Variants in ZNF385D observed in about 807,000 individuals in gnomAD.
The protein encoded by ZNF385D is zinc finger protein 659.
In ZNF385D, 15 loss-of-function variants were observed where a neutral mutation model predicts 35.8. That is an observed-to-expected ratio of 0.42 (90% CI 0.28 to 0.64). The LOEUF is 0.64. Ranked by LOEUF, ZNF385D falls within the 30% of genes least tolerant of loss-of-function variation. ZNF385D has a pLI of 0.23. For missense variants in ZNF385D, 474 were observed against 494.6 expected (o/e 0.96, Z 0.39); for synonymous variants, 212 against 186.8 (o/e 1.13, Z -1.10).
intron 3 of ZNF385D, among the ~76,000 whole-genome samples, chr3:22,050,695 G>A (rs1446538864): frequency 6.6e-6 from 1 of 152,134 alleles, no homozygotes; most frequent in East Asian, 1.9e-4. Flanking sequence ...AGTTTTTAAT[G>A]AGTTAATTTC....
chr3:21,822,668 T>C lies in ZNF385D; in HGVS notation c.326-157640A>G, dbSNP rs1694339845. Among the ~76,000 whole-genome samples, 5 of 152,116 alleles carry C rather than the reference T, an allele frequency of 3.3e-5. No individual in the cohort carries two copies. The South Asian group carries it at 1.0e-3, about 31-fold the overall frequency. On this transcript the variant is annotated intron_variant, in intron 3 of 5. Transcript: ENST00000494108. ...ACTGGCATTATTAAAGATCATACCC[T>C]GGAAAGAAGCCAAATGCATAGTTAC... is the stretch of plus-strand genomic sequence containing the variant.
At chr3:21,740,389 T>C (rs893155688) in intron 1 of ZNF385D, among the ~76,000 whole-genome samples, 13 of 152,280 alleles carry the variant, frequency 8.5e-5, no homozygotes, top group African/African-American at 3.1e-4. Context: ...TCAGGATCTA[T>C]ATTATAATAT....
At chr3:21,446,475 C>G (rs1702154826) in intron 4 of ZNF385D, among the ~76,000 whole-genome samples, 1 of 142,006 alleles carries the variant, frequency 7.0e-6, no homozygotes, top group African/African-American at 2.6e-5. Flanking sequence ...TAGATACTAC[C>G]TAATCAATGA....
intron 3 of ZNF385D, among the ~76,000 whole-genome samples, chr3:21,871,376 T>A (rs1326110602): frequency 6.6e-6 from 1 of 152,144 alleles, no homozygotes; most frequent in Non-Finnish European, 1.5e-5. Flanking sequence ...CTATAGCACT[T>A]GCAACTACCC....
chr3:22,267,169 C>G (rs1700938165), intron 2 of ZNF385D, among the ~76,000 whole-genome samples: 1 of 151,864 alleles, frequency 6.6e-6, no homozygotes, highest in South Asian at 2.1e-4. Flanking sequence ...CAACTTGCAT[C>G]AAACATCTAT....
At chr3:22,056,627 G>A (rs532591309) in intron 3 of ZNF385D, among the ~76,000 whole-genome samples, 2 of 152,248 alleles carry the variant, frequency 1.3e-5, no homozygotes, top group South Asian at 2.1e-4. Context: ...AAATTCAGCT[G>A]GTGCAGTTTG....
intron 3 of ZNF385D, among the ~76,000 whole-genome samples, chr3:21,892,413 C>A (rs1698914960): frequency 6.6e-6 from 1 of 152,146 alleles, no homozygotes; most frequent in South Asian, 2.1e-4. Context: ...CCAGAGAAAT[C>A]ATTTTCAAAG....
At chr3:21,802,859 A>G (rs1294577583) in intron 3 of ZNF385D, among the ~76,000 whole-genome samples, 1 of 152,206 alleles carries the variant, frequency 6.6e-6, no homozygotes, top group Non-Finnish European at 1.5e-5. Context: ...CCAGGCCTAA[A>G]CAGATGTAAG....
At position 22,322,554 on chromosome 3, in the gene ZNF385D, G is replaced by A. The variant is rs75045445; in HGVS notation, c.106+49896C>T. 5.3e-5 allele frequency among the ~76,000 whole-genome samples: 8 copies of A among 152,140 alleles called. No individual in the cohort carries two copies. The East Asian group carries it at 1.4e-3, about 26-fold the overall frequency. ...CAGTCTATCCCAATCTTTTCTCACC[G>A]ACCCAGCCCTTTTAACCTGCCCAAT... On this transcript the variant is annotated intron_variant, in intron 2 of 5. Transcript: ENST00000494108.
chr3:22,166,611 G>T (rs1266990321), intron 3 of ZNF385D, among the ~76,000 whole-genome samples: 1 of 152,192 alleles, frequency 6.6e-6, no homozygotes, highest in Non-Finnish European at 1.5e-5. Context: ...ATAATAAAAT[G>T]TATATAAAGC....
At chr3:21,485,342 T>C (rs1475665294) in intron 4 of ZNF385D, among the ~76,000 whole-genome samples, 3 of 152,128 alleles carry the variant, frequency 2.0e-5, no homozygotes, top group East Asian at 1.9e-4. Flanking sequence ...GAGAGACACT[T>C]ATGTTATTAT....
At chr3:21,556,068 GTTT>G (rs148079775) in intron 3 of ZNF385D, among the ~76,000 whole-genome samples, 1 of 99,020 alleles carries the variant, frequency 1.0e-5, no homozygotes, top group Non-Finnish European at 2.0e-5. Flanking sequence ...TTTTGTTTTT[GTTT>G]TTTTTTTTTT....
At chr3:21,855,086 T>G (rs564402181) in intron 3 of ZNF385D, among the ~76,000 whole-genome samples, 15 of 152,086 alleles carry the variant, frequency 9.9e-5, no homozygotes, top group African/African-American at 3.4e-4. Context: ...CTCAGACTTC[T>G]TTTAATAAAT....
chr3:21,972,821 C>A (rs935663094), intron 3 of ZNF385D, among the ~76,000 whole-genome samples: 1 of 151,570 alleles, frequency 6.6e-6, no homozygotes, highest in African/African-American at 2.4e-5. Flanking sequence ...AATTGGAAAA[C>A]GTAAAAGAAT....
intron 2 of ZNF385D, among the ~76,000 whole-genome samples, chr3:22,325,269 G>C (rs1274999772): frequency 6.6e-6 from 1 of 152,154 alleles, no homozygotes; most frequent in East Asian, 1.9e-4. Flanking sequence ...TCAAGCTGTA[G>C]AACTTTTACA....
intron 2 of ZNF385D, among the ~76,000 whole-genome samples, chr3:22,284,315 A>C (rs1424194774): frequency 6.6e-6 from 1 of 151,960 alleles, no homozygotes; most frequent in Non-Finnish European, 1.5e-5. Context: ...CAGCCTCCCA[A>C]ATAGCTGGGA....
chr3:21,931,300 A>G (rs1700995970), intron 3 of ZNF385D, among the ~76,000 whole-genome samples: 1 of 152,218 alleles, frequency 6.6e-6, no homozygotes, highest in South Asian at 2.1e-4. Flanking sequence ...AGTAACAAGT[A>G]TTAGAGAGGA....
At chr3:22,008,920 T>C (rs778483552) in intron 3 of ZNF385D, among the ~76,000 whole-genome samples, 7 of 152,130 alleles carry the variant, frequency 4.6e-5, no homozygotes, top group African/African-American at 7.2e-5. Context: ...ATGTCTAACA[T>C]AGGAAGGCAG....
At chr3:21,694,639 T>C (rs1422381974) in intron 1 of ZNF385D, among the ~76,000 whole-genome samples, 2 of 152,210 alleles carry the variant, frequency 1.3e-5, no homozygotes, top group African/African-American at 2.4e-5. Context: ...AGTAATCCCC[T>C]GCTTGGCAAC....
Sources: gnomAD v4.1 joint callset for allele counts (sites outside exome capture counted in the v4.1 genomes callset) on GRCh38, gnomAD v4.1.1 for gene constraint, MANE v1.5 for transcripts, NCBI Gene and HGNC (gene_info 2026-07-23, HGNC 2026-07-21) for gene names.